The following CNGB3 variants were observed in gnomAD, a reference collection of about 807,000 sequenced individuals.
CNGB3 encodes the protein cyclic nucleotide gated channel subunit beta 3.
In CNGB3, 86 loss-of-function variants were observed where a neutral mutation model predicts 92.8. The observed-to-expected ratio is 0.93, with a 90% CI of 0.78 to 1.11. CNGB3 has a LOEUF of 1.11. Among genes scored for constraint, CNGB3 ranks in the 50% least tolerant of loss-of-function variants. The probability of loss-of-function intolerance (pLI) is 0.00; values close to 1 mark genes in which losing one functional copy is unlikely to be tolerated. For synonymous variants in CNGB3, 333 were observed against 332.7 expected (o/e 1.00, Z -0.01); for missense variants, 1,026 against 956.8 (o/e 1.07, Z -0.95).
intron 10 of CNGB3, among the ~76,000 whole-genome samples, chr8:86,639,145 C>G (rs571019635): frequency 8.0e-6 from 1 of 125,514 alleles, no homozygotes; most frequent in East Asian, 2.4e-4. Flanking sequence ...TCCCATGATG[C>G]CTTGTTTACT....
At chr8:86,629,224 C>T in intron 11 of CNGB3, 146 bp from the exon 12 acceptor site, 1 of 1,036,462 alleles carries the variant, frequency 9.6e-7, no homozygotes, top group Non-Finnish European at 1.5e-6. Context: ...TTTATTTATT[C>T]TTGCCCAGAC....
At position 86,575,845 on chromosome 8, in the gene CNGB3, C is replaced by T. The variant is rs758053992; in HGVS notation, c.2389G>A (p.Glu797Lys). ...SMAPSAEGGE[E>K]VLTIEVKEKA... ...TCTTTGACTTCAATAGTAAGAACCTCTTCTCCGCCCTCAGCAGAAGGAGCC... is the reference window on the plus strand; with the variant it reads ...TCTTTGACTTCAATAGTAAGAACCTTTTCTCCGCCCTCAGCAGAAGGAGCC... Residue 797 changes from glutamate (E) to lysine (K), a missense_variant, in exon 18 of 18, where the codon GAG (glutamate) becomes AAG (lysine). Coordinates refer to ENST00000320005, the MANE Select transcript of CNGB3 (RefSeq NM_019098.5). 1 of 1,613,528 alleles carries T rather than the reference C, an allele frequency of 6.2e-7. No homozygotes were observed. Among genetic ancestry groups the T allele is most frequent in the Non-Finnish European group, 8.5e-7 (1 of 1,179,854 alleles).
rs114319803 is a variant in CNGB3 at position 86,723,198 on chromosome 8, T to A, written c.338+3333A>T. ...ATGCATTCTCCCCAGTACCTATTGA[T>A]CAGTCCAGACATAATAATCCCTATT... On this transcript the variant is annotated intron_variant, in intron 3 of 17. Coordinates refer to ENST00000320005, the MANE Select transcript of CNGB3 (RefSeq NM_019098.5). Among the ~76,000 whole-genome samples the A allele has an allele frequency of 9.0e-3, 1,363 of 152,210 alleles. 20 individuals are homozygous for A. Among genetic ancestry groups the A allele is most frequent in the African/African-American group, 0.031 (1,281 of 41,550 alleles).
intron 9 of CNGB3, 42 bp from the exon 10 acceptor site, chr8:86,643,915 C>A: frequency 6.3e-7 from 1 of 1,590,596 alleles, no homozygotes; most frequent in Non-Finnish European, 8.6e-7. Flanking sequence ...CATGTTGTTT[C>A]TGAAATACAG....
chr8:86,691,858 T>C (rs1311653559), intron 3 of CNGB3, among the ~76,000 whole-genome samples: 5 of 152,168 alleles, frequency 3.3e-5, no homozygotes, highest in South Asian at 4.1e-4. Flanking sequence ...GTTGCAGGTA[T>C]TTAATGCTGT....
At chr8:86,728,082 A>G (rs1825094834) in intron 2 of CNGB3, among the ~76,000 whole-genome samples, 1 of 152,156 alleles carries the variant, frequency 6.6e-6, no homozygotes, top group African/African-American at 2.4e-5. Flanking sequence ...TTCATTACGC[A>G]TCTCCTATCT....
In CNGB3 at chr8:86,717,561, CAAAA is replaced by C. The variant is rs35692774; in HGVS notation, c.338+8966_338+8969del. Among the ~76,000 whole-genome samples the C allele has an allele frequency of 6.5e-3, 775 of 119,570 alleles. 3 individuals carry two copies. The highest frequency in any genetic ancestry group is 0.015 in the African/African-American group (476 of 31,010). The allele number at this position is 119,570 out of a possible 152,430, so 78.4% of individuals were successfully genotyped here. ...CTGGTGACAGAGTGAGACTCTGTCTCAAAAAAAAAAAAAAAAAAAATCGAGGACT... is the reference window on the plus strand; with the variant it reads ...CTGGTGACAGAGTGAGACTCTGTCTCAAAAAAAAAAAAAAAATCGAGGACT... On this transcript the variant is annotated intron_variant, in intron 3 of 17. Coordinates refer to ENST00000320005, the MANE Select transcript of CNGB3 (RefSeq NM_019098.5).
At chr8:86,737,589 C>A (rs76103074) in intron 2 of CNGB3, among the ~76,000 whole-genome samples, 1 of 151,436 alleles carries the variant, frequency 6.6e-6, no homozygotes, top group Non-Finnish European at 1.5e-5. Flanking sequence ...AAATTAAAAA[C>A]GTAAAAAACC....
At chr8:86,608,836 C>T (rs1002008989) in intron 14 of CNGB3, among the ~76,000 whole-genome samples, 1 of 152,168 alleles carries the variant, frequency 6.6e-6, no homozygotes, top group Non-Finnish European at 1.5e-5. Flanking sequence ...CACTCTTTAC[C>T]CTGCCCCTTT....
intron 3 of CNGB3, among the ~76,000 whole-genome samples, chr8:86,699,731 G>A (rs1032357723): frequency 1.3e-5 from 2 of 152,166 alleles, no homozygotes; most frequent in African/African-American, 2.4e-5. Context: ...CAATCTGATT[G>A]TATTAGATCC....
chr8:86,638,795 A>C (rs1823123582), intron 10 of CNGB3, among the ~76,000 whole-genome samples: 1 of 149,584 alleles, frequency 6.7e-6, no homozygotes, highest in Non-Finnish European at 1.5e-5. Flanking sequence ...ACTGACCTTC[A>C]CTTCCTTCTG....
At chr8:86,640,948 GGAGGTTAAGCAT>G (rs1288564260) in intron 10 of CNGB3, among the ~76,000 whole-genome samples, 1 of 151,956 alleles carries the variant, frequency 6.6e-6, no homozygotes, top group Non-Finnish European at 1.5e-5. Flanking sequence ...TGCCTTCCCA[GGAGGTTAAGCAT>G]CCTAAGTCAC....
chr8:86,637,817 C>T (rs1054644243), intron 10 of CNGB3, among the ~76,000 whole-genome samples: 2 of 152,126 alleles, frequency 1.3e-5, no homozygotes, highest in African/African-American at 2.4e-5. Flanking sequence ...TAACAAAACA[C>T]ATGTTAAGAC....
chr8:86,725,779 A>G (rs1336582248), intron 3 of CNGB3, among the ~76,000 whole-genome samples: 1 of 152,164 alleles, frequency 6.6e-6, no homozygotes, highest in Non-Finnish European at 1.5e-5. Context: ...GGTACTTTTA[A>G]CTTCTTTATA....
At chr8:86,726,977 C>T (rs1347605905) in intron 2 of CNGB3, among the ~76,000 whole-genome samples, 2 of 152,136 alleles carry the variant, frequency 1.3e-5, no homozygotes, top group African/African-American at 4.8e-5. Context: ...ATGTTATAGC[C>T]TACCACACAC....
At chr8:86,726,464 T>C in intron 3 of CNGB3, 67 bp downstream of exon 3, 1 of 1,603,078 alleles carries the variant, frequency 6.2e-7, no homozygotes, top group Non-Finnish European at 8.5e-7. Context: ...AGAGTGGATA[T>C]TTGAGCTCTT....
intron 15 of CNGB3, among the ~76,000 whole-genome samples, chr8:86,585,480 C>A (rs888803554): frequency 6.6e-6 from 1 of 152,022 alleles, no homozygotes; most frequent in African/African-American, 2.4e-5. Flanking sequence ...AGTGTACAAC[C>A]TGCACAGCTC....
intron 2 of CNGB3, among the ~76,000 whole-genome samples, chr8:86,738,800 C>G (rs1825289949): frequency 6.8e-6 from 1 of 146,574 alleles, no homozygotes; most frequent in Admixed American, 6.9e-5. Flanking sequence ...GAGATTACGT[C>G]ACTGCACTCC....
chr8:86,627,284 G>A (rs1008404125), intron 12 of CNGB3, among the ~76,000 whole-genome samples: 3 of 151,960 alleles, frequency 2.0e-5, no homozygotes, highest in African/African-American at 4.8e-5. Context: ...ATCTGCCTTC[G>A]CTAAGGGGTG....
Sources: gnomAD v4.1 joint callset for allele counts (sites outside exome capture counted in the v4.1 genomes callset) on GRCh38, gnomAD v4.1.1 for gene constraint, MANE v1.5 for transcripts, NCBI Gene and HGNC (gene_info 2026-07-23, HGNC 2026-07-21) for gene names.